Variants in SBF2 observed in about 807,000 individuals in gnomAD.
SBF2 encodes myotubularin-related protein 13.
In SBF2, 112 loss-of-function variants were observed where a neutral mutation model predicts 225.2. That is an observed-to-expected ratio of 0.50 (90% confidence interval 0.43 to 0.58). The LOEUF is 0.58. SBF2 is among the 20% of genes least tolerant of loss of function. SBF2 has a pLI of 0.00. For synonymous variants in SBF2, 763 were observed against 773.3 expected (o/e 0.99, Z 0.22); for missense variants, 1,996 against 2,206.2 (o/e 0.90, Z 1.91).
At chr11:10,072,956 C>CT (rs1189613727) in intron 2 of SBF2, among the ~76,000 whole-genome samples, 2 of 151,658 alleles carry the variant, frequency 1.3e-5, no homozygotes, top group Non-Finnish European at 2.9e-5. Context: ...ACAGGTTTCA[C>CT]TTTTTTGCCC....
At chr11:9,791,421 CAAAAA>C (rs11343948) in intron 33 of SBF2, among the ~76,000 whole-genome samples, 4 of 125,438 alleles carry the variant, frequency 3.2e-5, no homozygotes, top group Non-Finnish European at 3.3e-5. Flanking sequence ...ACCAGTTTAT[CAAAAA>C]AAAAAAAAAA....
chr11:10,004,095 T>G (rs1948087515), intron 6 of SBF2, among the ~76,000 whole-genome samples: 1 of 152,194 alleles, frequency 6.6e-6, no homozygotes, highest in Non-Finnish European at 1.5e-5. Flanking sequence ...TAATCTTCAT[T>G]CATTTTCACT....
intron 10 of SBF2, 37 bp from the exon 11 acceptor site, chr11:9,993,140 T>A: frequency 6.8e-7 from 1 of 1,474,472 alleles, no homozygotes; most frequent in Non-Finnish European, 9.4e-7. Context: ...TAATTTAACT[T>A]TTTAAAAACA....
chr11:9,959,379 C>A, intron 16 of SBF2: 2 of 803,496 alleles, frequency 2.5e-6, no homozygotes, highest in Middle Eastern at 3.5e-4. Context: ...AAGGGGTGCC[C>A]GTCTGTCCCC....
intron 1 of SBF2, among the ~76,000 whole-genome samples, chr11:10,226,500 C>T (rs1958561014): frequency 6.7e-6 from 1 of 149,244 alleles, no homozygotes; most frequent in Admixed American, 6.7e-5. Flanking sequence ...CCACAACAGG[C>T]CCGGGTGTGT....
rs757791090 is a variant in SBF2 at position 10,303,236 on chromosome 11, C to G, written n.386+1256G>C. The stretch of plus-strand genomic sequence containing the variant: ...ACTGCCCTGCGCCCAGCCGGGCGGC[C>G]GGATCCAGACCAGTGCGCCGCGCTG... On this transcript the variant is annotated intron_variant and non_coding_transcript_variant, in intron 1 of 5. Transcript: ENST00000685217. The surrounding 1 kb of genome is among the most constrained non-coding windows in gnomAD (Gnocchi z 5.2). 1.3e-5 allele frequency: 2 copies of G among 152,248 alleles called. No individual in the cohort carries two copies. Among genetic ancestry groups the G allele is most frequent in the African/African-American group, 2.4e-5 (1 of 41,446 alleles). 9.4% of individuals were successfully genotyped at this position (152,248 alleles called of 1,614,324 possible).
chr11:10,181,286 A>C (rs1435719899), intron 2 of SBF2, among the ~76,000 whole-genome samples: 1 of 152,148 alleles, frequency 6.6e-6, no homozygotes, highest in African/African-American at 2.4e-5. Context: ...CTAAGTAGCT[A>C]CATAACACTG....
chr11:10,050,887 A>G (rs987026243), intron 2 of SBF2, among the ~76,000 whole-genome samples: 1 of 152,174 alleles, frequency 6.6e-6, no homozygotes, highest in Non-Finnish European at 1.5e-5. Flanking sequence ...TTTCCATTTA[A>G]TATTTTTGGA....
intron 3 of SBF2, 129 bp downstream of exon 3, chr11:10,042,715 A>C (rs766312734): frequency 3.5e-5 from 30 of 863,660 alleles, no homozygotes; most frequent in Non-Finnish European, 5.4e-5. Flanking sequence ...TAAACATAAA[A>C]ATTTCTTCAT....
At chr11:9,961,769 G>A (rs978045292) in intron 16 of SBF2, 188 bp downstream of exon 16, 2 of 530,772 alleles carry the variant, frequency 3.8e-6, no homozygotes, top group African/African-American at 1.9e-5. Flanking sequence ...AACAAAGAAA[G>A]AACAAAAACT....
At chr11:10,283,206 TG>T (rs1317801917) in intron 1 of SBF2, among the ~76,000 whole-genome samples, 3 of 152,208 alleles carry the variant, frequency 2.0e-5, no homozygotes, top group African/African-American at 7.2e-5. Flanking sequence ...TTTACTCATT[TG>T]TATCTAGCCT....
intron 2 of SBF2, among the ~76,000 whole-genome samples, chr11:10,092,197 A>G (rs970785517): frequency 6.6e-6 from 1 of 152,200 alleles, no homozygotes. Flanking sequence ...AATTAAAACA[A>G]GTCCCAAGGG....
chr11:10,210,637 C>G (rs899312282), intron 1 of SBF2, among the ~76,000 whole-genome samples: 4 of 152,098 alleles, frequency 2.6e-5, no homozygotes, highest in African/African-American at 9.7e-5. Flanking sequence ...TCATGTAGAA[C>G]CATCTGTTAA....
chr11:10,031,145 C>T lies in SBF2; in HGVS notation c.305G>A (p.Gly102Asp). 3 of 1,613,514 alleles carry T rather than the reference C, an allele frequency of 1.9e-6. No homozygotes were observed. The highest frequency in any genetic ancestry group is 2.2e-5 in the South Asian group (2 of 91,050). ...LQGTKKEEIEGEAKVSGLIQP... is the reference protein window; with the variant it reads ...LQGTKKEEIEDEAKVSGLIQP... Reference sequence around the variant, plus strand: ...AATTAAACCAGACACTTTTGCTTCACCTTCAATCTCTTCCTTCTTTGTTCC... The same window carrying T: ...AATTAAACCAGACACTTTTGCTTCATCTTCAATCTCTTCCTTCTTTGTTCC... The change falls in exon 4 of 40, where the codon GGT becomes GAT. Residue 102 changes from glycine to aspartate, a missense_variant. Physicochemically the swap from Gly to Asp is moderately conservative, Grantham distance 94. Coordinates refer to ENST00000256190, the MANE Select transcript of SBF2 (RefSeq NM_030962.4).
intron 2 of SBF2, among the ~76,000 whole-genome samples, chr11:10,160,241 T>TA (rs147192688): frequency 3.3e-5 from 5 of 151,882 alleles, no homozygotes; most frequent in African/African-American, 4.8e-5. Flanking sequence ...CATGTGTTGG[T>TA]AAAAAAAAGT....
chr11:10,155,997 C>T (rs983249970), intron 2 of SBF2, among the ~76,000 whole-genome samples: 2 of 152,194 alleles, frequency 1.3e-5, no homozygotes, highest in Non-Finnish European at 2.9e-5. Context: ...AGCCCCGCCC[C>T]CTACCAAGTC....
At chr11:10,289,809 C>T (rs1335508600) in intron 1 of SBF2, among the ~76,000 whole-genome samples, 1 of 152,182 alleles carries the variant, frequency 6.6e-6, no homozygotes, top group Non-Finnish European at 1.5e-5. Flanking sequence ...TCCAGCTCCG[C>T]CTCCTCCTCA....
chr11:9,950,687 C>T (rs1053658993), intron 16 of SBF2, among the ~76,000 whole-genome samples: 6 of 152,162 alleles, frequency 3.9e-5, no homozygotes, highest in African/African-American at 1.4e-4. Flanking sequence ...TCAACATTCT[C>T]TAACCTAGAG....
intron 3 of SBF2, among the ~76,000 whole-genome samples, chr11:10,037,637 A>T (rs1348657184): frequency 3.5e-5 from 3 of 84,798 alleles, no homozygotes; most frequent in African/African-American, 1.1e-4. Context: ...AACTTTTGTT[A>T]AAAAAAAAAA....
Sources: allele counts gnomAD v4.1 joint callset (sites outside exome capture counted in the v4.1 genomes callset), GRCh38; gene constraint gnomAD v4.1.1; non-coding constraint Gnocchi (gnomAD v3.1); transcripts MANE v1.5; gene names NCBI Gene and HGNC (gene_info 2026-07-23, HGNC 2026-07-21).